IFT80: variants seen among roughly 807,000 people sequenced by gnomAD.
The protein encoded by IFT80 is intraflagellar transport protein 80 homolog.
Under a neutral mutation model 107.9 loss-of-function variants are expected in IFT80, and 79 were observed. That is an observed-to-expected ratio of 0.73 (90% CI 0.61 to 0.88). The LOEUF (loss-of-function observed/expected upper bound fraction) is 0.88. Ranked by LOEUF, IFT80 falls within the 40% of genes least tolerant of loss-of-function variation. IFT80 has a pLI of 0.00. For missense variants in IFT80, 797 were observed against 914.2 expected, an observed-to-expected ratio of 0.87 and a Z score of 1.65; for synonymous variants, 299 against 300.9, an observed-to-expected ratio of 0.99 and a Z score of 0.07.
intron 12 of IFT80, among the ~76,000 whole-genome samples, chr3:160,292,669 G>T (rs552993342): frequency 2.6e-5 from 4 of 151,956 alleles, no homozygotes; most frequent in Admixed American, 6.6e-5. Context: ...TAGTAGAGAC[G>T]GGGTTTCACC....
chr3:160,291,760 G>C (rs552350915), intron 12 of IFT80, among the ~76,000 whole-genome samples: 1 of 152,182 alleles, frequency 6.6e-6, no homozygotes, highest in African/African-American at 2.4e-5. Context: ...ACAGCCTCAA[G>C]GAACTTACTG....
Position 160,267,387 on chromosome 3 carries a change from T to A in IFT80, c.2223+1026A>T, listed in dbSNP as rs529651029. 1.1e-4 allele frequency among the ~76,000 whole-genome samples: 17 copies of A among 152,338 alleles called. No individual in the cohort carries two copies. The South Asian group carries it at 3.5e-3, about 32-fold the overall frequency. On this transcript the variant is annotated intron_variant, in intron 19 of 19. Transcript: ENST00000326448. ...CAAGAAGGTATGCTCCCACATAATC[T>A]ATAAGCTCCAAAGAGACATAAGAGG... is the stretch of plus-strand genomic sequence containing the variant.
chr3:160,329,549 AG>A (rs1351025005), intron 8 of IFT80, among the ~76,000 whole-genome samples: 2 of 152,162 alleles, frequency 1.3e-5, no homozygotes, highest in Non-Finnish European at 2.9e-5. Flanking sequence ...ATCAAGGGAG[AG>A]GTACCTTCCC....
At chr3:160,350,272 T>C (rs2108350921) in intron 8 of IFT80, among the ~76,000 whole-genome samples, 1 of 151,840 alleles carries the variant, frequency 6.6e-6, no homozygotes, top group East Asian at 2.0e-4. Flanking sequence ...AAAAATTAGC[T>C]GGGAGTGGTG....
In IFT80 at chr3:160,258,540, T is replaced by C. The variant is rs1477341282; in HGVS notation, c.2319A>G (p.Ile773Met). The C allele has an allele frequency of 6.2e-7, 1 of 1,613,842 alleles. No homozygotes were observed. The highest frequency in any genetic ancestry group is 1.3e-5 in the African/African-American group (1 of 75,046). The change falls in exon 20 of 20, where the codon ATA becomes ATG. Residue 773 changes from isoleucine (I) to methionine (M), a missense_variant. By Grantham distance (10) the Ile-to-Met change is conservative (BLOSUM62 1). Coordinates refer to ENST00000326448, the MANE Select transcript of IFT80 (RefSeq NM_020800.3). Reference protein sequence around the residue: ...QSSSSQSSKSIGLKP With the variant: ...QSSSSQSSKSMGLKP ...CGCATGGCATTTAGGGCTTTAAACC[T>C]ATACTCTTGCTGGATTGGCTGCTTG...
At chr3:160,266,804 G>A (rs1020330022) in intron 19 of IFT80, among the ~76,000 whole-genome samples, 2 of 152,154 alleles carry the variant, frequency 1.3e-5, no homozygotes, top group Non-Finnish European at 2.9e-5. Context: ...AACAAGGTGG[G>A]TGCTCAGTTT....
chr3:160,273,690 G>T (rs1714004362), intron 18 of IFT80, among the ~76,000 whole-genome samples: 1 of 152,160 alleles, frequency 6.6e-6, no homozygotes, highest in African/African-American at 2.4e-5. Context: ...GGTAGTTGGA[G>T]AATTGAATTC....
chr3:160,398,235 G>T (rs966158489), intron 1 of IFT80, among the ~76,000 whole-genome samples: 1 of 152,156 alleles, frequency 6.6e-6, no homozygotes, highest in Non-Finnish European at 1.5e-5. Context: ...CTTACAATTG[G>T]TTGGGAGGGG....
chr3:160,277,084 A>T (rs1714325033), intron 18 of IFT80, among the ~76,000 whole-genome samples: 1 of 152,230 alleles, frequency 6.6e-6, no homozygotes, highest in Admixed American at 6.5e-5. Context: ...CCAAAAATTT[A>T]GGAAACACCC....
chr3:160,273,983 T>G (rs1714031993), intron 18 of IFT80, among the ~76,000 whole-genome samples: 1 of 152,190 alleles, frequency 6.6e-6, no homozygotes, highest in South Asian at 2.1e-4. Context: ...TACATCTTCT[T>G]TGACCTTCTT....
At chr3:160,333,672 T>G (rs1719249051) in intron 8 of IFT80, among the ~76,000 whole-genome samples, 2 of 152,198 alleles carry the variant, frequency 1.3e-5, no homozygotes, top group Admixed American at 1.3e-4. Flanking sequence ...TGGAAGGTCT[T>G]CAGGGGCAAC....
chr3:160,341,272 A>G (rs1225645758), intron 8 of IFT80, among the ~76,000 whole-genome samples: 1 of 152,016 alleles, frequency 6.6e-6, no homozygotes, highest in African/African-American at 2.4e-5. Context: ...TTGGCCTCCC[A>G]AAGTCTTACC....
At chr3:160,346,524 T>C (rs1333429170) in intron 8 of IFT80, among the ~76,000 whole-genome samples, 1 of 152,222 alleles carries the variant, frequency 6.6e-6, no homozygotes, top group Non-Finnish European at 1.5e-5. Context: ...TGCCTTGTAA[T>C]TTTTTGTTGA....
At chr3:160,348,506 G>A (rs914837490) in intron 8 of IFT80, among the ~76,000 whole-genome samples, 1 of 152,176 alleles carries the variant, frequency 6.6e-6, no homozygotes, top group African/African-American at 2.4e-5. Flanking sequence ...TAGGCAGACA[G>A]CCACTTTGGA....
At chr3:160,353,919 G>A (rs1446668891) in intron 8 of IFT80, among the ~76,000 whole-genome samples, 2 of 152,100 alleles carry the variant, frequency 1.3e-5, no homozygotes, top group Non-Finnish European at 2.9e-5. Context: ...GATGCCTAAC[G>A]AGGTAAACCT....
chr3:160,260,062 TTAAG>T lies in IFT80; in HGVS notation c.2224-1431_2224-1428del, dbSNP rs558383088. On this transcript the variant is annotated intron_variant, in intron 19 of 19. Coordinates refer to ENST00000326448, the MANE Select transcript of IFT80 (RefSeq NM_020800.3). ...TCTTTTATGCTGGAGGTTAAAGAAA[TTAAG>T]TATTTTTTTTAATTCCAATATCCCA... 2.9e-3 allele frequency among the ~76,000 whole-genome samples: 438 copies of T among 152,306 alleles called. 1 individual carries two copies. Among genetic ancestry groups the T allele is most frequent in the Non-Finnish European group, 5.3e-3 (359 of 68,034 alleles).
intron 1 of IFT80, among the ~76,000 whole-genome samples, chr3:160,394,640 T>G (rs549824923): frequency 6.6e-6 from 1 of 152,146 alleles, no homozygotes; most frequent in South Asian, 2.1e-4. Flanking sequence ...TCCCAGCTAC[T>G]CGGGAGGCTG....
intron 8 of IFT80, among the ~76,000 whole-genome samples, chr3:160,338,053 T>G (rs866402330): frequency 1.3e-5 from 2 of 152,168 alleles, no homozygotes; most frequent in African/African-American, 2.4e-5. Flanking sequence ...CTATCAAAAC[T>G]TTTTATCTCT....
rs141174982 is a variant in IFT80 at position 160,380,200 on chromosome 3, A to T, written c.259+1303T>A. On this transcript the variant is annotated intron_variant, in intron 3 of 19. Transcript: ENST00000326448. ...GGCATGTGCCACCATGCCTAGCTAAAATTTTTTTGTATTTCAGTACAGACG... is the reference window on the plus strand; with the variant it reads ...GGCATGTGCCACCATGCCTAGCTAATATTTTTTTGTATTTCAGTACAGACG... 6.3e-4 allele frequency among the ~76,000 whole-genome samples: 95 copies of T among 151,426 alleles called. 1 individual carries two copies. The East Asian group carries it at 0.017, about 28-fold the overall frequency.
Sources: gnomAD v4.1 joint callset for allele counts (sites outside exome capture counted in the v4.1 genomes callset) on GRCh38, gnomAD v4.1.1 for gene constraint, MANE v1.5 for transcripts, NCBI Gene and HGNC (gene_info 2026-07-23, HGNC 2026-07-21) for gene names.